Variants in VSTM2B observed in about 807,000 individuals in gnomAD.
VSTM2B encodes V-set and transmembrane domain containing 2B.
A neutral mutation model predicts 24.0 loss-of-function variants in VSTM2B; 24 were observed. The observed-to-expected ratio is 1.00, with a 90% CI of 0.72 to 1.40. The LOEUF (loss-of-function observed/expected upper bound fraction) is 1.40. Among genes scored for constraint, VSTM2B ranks in the 40% most tolerant of loss-of-function variants. The pLI is 0.00. For missense variants in VSTM2B, 399 were observed against 416.4 expected (o/e 0.96, Z 0.36); for synonymous variants, 226 against 194.4 (o/e 1.16, Z -1.35).
intron 4 of VSTM2B, among the ~76,000 whole-genome samples, chr19:29,547,221 A>C (rs2145494601): frequency 6.6e-6 from 1 of 152,334 alleles, no homozygotes; most frequent in African/African-American, 2.4e-5. Context: ...TGTACTAAAA[A>C]GTATCCATTG....
intron 4 of VSTM2B, among the ~76,000 whole-genome samples, chr19:29,562,908 G>A (rs557219492): frequency 1.3e-5 from 2 of 152,160 alleles, no homozygotes; most frequent in African/African-American, 4.8e-5. Context: ...AGAGACAGGT[G>A]GGAGTGACCC....
At chr19:29,551,085 A>T (rs1168519533) in intron 4 of VSTM2B, among the ~76,000 whole-genome samples, 3 of 152,216 alleles carry the variant, frequency 2.0e-5, no homozygotes, top group Admixed American at 2.0e-4. Flanking sequence ...TGCCCTGGCG[A>T]GCTGTGCAGG....
intron 4 of VSTM2B, among the ~76,000 whole-genome samples, chr19:29,545,912 A>G (rs1970143908): frequency 6.6e-6 from 1 of 152,226 alleles, no homozygotes; most frequent in South Asian, 2.1e-4. Flanking sequence ...CTGGGCAGCC[A>G]CGTTAGAGTG....
At chr19:29,527,898 G>T (rs1196969946) in intron 2 of VSTM2B, among the ~76,000 whole-genome samples, 1 of 152,170 alleles carries the variant, frequency 6.6e-6, no homozygotes, top group Non-Finnish European at 1.5e-5. Flanking sequence ...CACGCTGCCT[G>T]TCTGCCTCAA....
At chr19:29,525,845 AC>A (rs1225134276), upstream of VSTM2B, 4 of 99,942 alleles carry the variant, frequency 4.0e-5, no homozygotes, top group Non-Finnish European at 7.7e-5. Context: ...CCTCCGAGCG[AC>A]CCCCGAGGAG....
intron 4 of VSTM2B, among the ~76,000 whole-genome samples, chr19:29,555,019 A>C (rs1970375055): frequency 6.6e-6 from 1 of 152,196 alleles, no homozygotes; most frequent in Non-Finnish European, 1.5e-5. Flanking sequence ...GAAAATTAAC[A>C]AGGATATTTA....
intron 1 of VSTM2B, 128 bp from the exon 2 acceptor site, chr19:29,527,083 G>A (rs1969594361): frequency 1.2e-6 from 1 of 837,958 alleles, no homozygotes; most frequent in South Asian, 1.8e-5. Context: ...CTCCGGCCGT[G>A]CGCCAGGGAG....
intron 4 of VSTM2B, among the ~76,000 whole-genome samples, chr19:29,536,802 A>C (rs1196334394): frequency 2.0e-5 from 3 of 152,156 alleles, no homozygotes; most frequent in African/African-American, 7.2e-5. Flanking sequence ...CTCATTAAAC[A>C]CGCCAGGTGC....
At chr19:29,538,397 G>A (rs904059639) in intron 4 of VSTM2B, among the ~76,000 whole-genome samples, 1 of 152,132 alleles carries the variant, frequency 6.6e-6, no homozygotes, top group African/African-American at 2.4e-5. Flanking sequence ...TGTTGGCTTT[G>A]GTAACCAGCG....
rs148923526 is a variant in VSTM2B, at chr19:29,528,442, A to G, written c.277A>G (p.Lys93Glu). Residue 93 changes from lysine to glutamate, a missense_variant, in exon 3 of 5, where the codon AAG becomes GAG. By Grantham distance (56) the Lys-to-Glu change is moderately conservative (BLOSUM62 1). Transcript: ENST00000335523. The stretch of plus-strand genomic sequence containing the variant: ...CCTCTTTGCATTTTAGGTAACAAAT[A>G]AGGATGCAACTAAAATCAGCGTAAG... ...VPGARSKVTN[K>E]DATKISTVRV... The G allele has an allele frequency of 5.6e-4, 870 of 1,551,196 alleles. 3 individuals carry two copies. The African/African-American group carries it at 0.01, about 18-fold the overall frequency.
chr19:29,557,696 T>C (rs1227364443), intron 4 of VSTM2B, among the ~76,000 whole-genome samples: 3 of 142,050 alleles, frequency 2.1e-5, no homozygotes, highest in Non-Finnish European at 4.6e-5. Flanking sequence ...CAAAACTCCA[T>C]CTCAAAAAAA....
At chr19:29,563,743 A>C (rs1970585834) in intron 4 of VSTM2B, 103 bp from the exon 5 acceptor site, 1 of 1,005,928 alleles carries the variant, frequency 9.9e-7, no homozygotes, top group Non-Finnish European at 1.5e-6. Context: ...GCTAAGCGTG[A>C]GTGGCCCCAG....
intron 3 of VSTM2B, 129 bp from the exon 4 acceptor site, chr19:29,529,690 C>A: frequency 1.1e-6 from 1 of 914,246 alleles, no homozygotes; most frequent in Non-Finnish European, 1.7e-6. Flanking sequence ...GAAGCCGGAT[C>A]GTGATGGTGG....
intron 4 of VSTM2B, among the ~76,000 whole-genome samples, chr19:29,555,632 G>T (rs914949445): frequency 6.7e-6 from 1 of 149,632 alleles, no homozygotes; most frequent in Non-Finnish European, 1.5e-5. Context: ...CTAGTTTTTT[G>T]AAAAAATTAA....
At chr19:29,528,611 G>C in intron 3 of VSTM2B, 149 bp downstream of exon 3, 1 of 1,008,076 alleles carries the variant, frequency 9.9e-7, no homozygotes, top group Non-Finnish European at 1.5e-6. Flanking sequence ...TGGCTGCTCG[G>C]CGTGTCCGGG....
At chr19:29,550,797 G>A (rs1032239521) in intron 4 of VSTM2B, among the ~76,000 whole-genome samples, 1 of 150,920 alleles carries the variant, frequency 6.6e-6, no homozygotes, top group Non-Finnish European at 1.5e-5. Flanking sequence ...GACCTCAAAT[G>A]TGTCTTCATT....
At chr19:29,537,504 T>A (rs944490183) in intron 4 of VSTM2B, among the ~76,000 whole-genome samples, 4 of 152,094 alleles carry the variant, frequency 2.6e-5, no homozygotes, top group Non-Finnish European at 5.9e-5. Flanking sequence ...CTGCCAGCAA[T>A]CCTGTTTCTG....
intron 4 of VSTM2B, among the ~76,000 whole-genome samples, chr19:29,534,180 C>A (rs1321072855): frequency 6.6e-6 from 1 of 152,126 alleles, no homozygotes. Flanking sequence ...GCAGACCTAG[C>A]CTAAAGGTCT....
At position 29,545,429 on chromosome 19, in the gene VSTM2B, A is replaced by G. The variant is rs1358016655; in HGVS notation, c.769+15139A>G. Among the ~76,000 whole-genome samples, 7 of 152,308 alleles carry G rather than the reference A, an allele frequency of 4.6e-5. No individual in the cohort carries two copies. The East Asian group carries it at 9.7e-4, about 21-fold the overall frequency. Reference sequence around the variant, plus strand: ...GGAGTTTGAGACCAGCCTGGCCAACATGGTGAAACCCCATCTCTACTAAAA... The same window carrying G: ...GGAGTTTGAGACCAGCCTGGCCAACGTGGTGAAACCCCATCTCTACTAAAA... On this transcript the variant is annotated intron_variant, in intron 4 of 4. Coordinates refer to ENST00000335523, the MANE Select transcript of VSTM2B (RefSeq NM_001146339.2).
Sources: allele counts gnomAD v4.1 joint callset (sites outside exome capture counted in the v4.1 genomes callset), GRCh38; gene constraint gnomAD v4.1.1; transcripts MANE v1.5; gene names NCBI Gene and HGNC (gene_info 2026-07-23, HGNC 2026-07-21).